The following NDST2 variants were observed in gnomAD, a reference collection of about 807,000 sequenced individuals.
NDST2 encodes the protein bifunctional heparan sulfate N-deacetylase/N-sulfotransferase 2.
Under a neutral mutation model 86.9 loss-of-function variants are expected in NDST2, and 32 were observed. The observed-to-expected ratio is 0.37, with a 90% CI of 0.28 to 0.49. The LOEUF (loss-of-function observed/expected upper bound fraction) is 0.49. Among genes scored for constraint, NDST2 ranks in the 20% least tolerant of loss-of-function variants. NDST2 has a pLI of 0.97. For missense variants in NDST2, 950 were observed against 1,146.9 expected (o/e 0.83, Z 2.48); for synonymous variants, 409 against 437.0 (o/e 0.94, Z 0.80).
chr10:73,806,273 A>G lies in NDST2; in HGVS notation c.1434+16T>C. The G allele has an allele frequency of 6.2e-7, 1 of 1,613,214 alleles. No homozygotes were observed. The highest frequency in any genetic ancestry group is 8.5e-7 in the Non-Finnish European group (1 of 1,179,858). Reference sequence around the variant, plus strand: ...ATGTTAGAGTTTGATTCAAGCCTGTATTGGGAGTCCCTCACCATAATGCCA... The same window carrying G: ...ATGTTAGAGTTTGATTCAAGCCTGTGTTGGGAGTCCCTCACCATAATGCCA... On this transcript the variant is annotated intron_variant, in intron 6 of 14. Coordinates refer to ENST00000309979, the MANE Select transcript of NDST2 (RefSeq NM_003635.4). This position sits in a 1 kb window ranked among gnomAD's most constrained non-coding sequence, Gnocchi z 4.5.
chr10:73,803,393 G>A (rs1485154493), intron 11 of NDST2, 34 bp from the exon 12 acceptor site: 2 of 1,612,220 alleles, frequency 1.2e-6, no homozygotes, highest in Non-Finnish European at 1.7e-6. Flanking sequence ...TGAAGGACTG[G>A]TGATTTGACA....
chr10:73,806,208 G>T lies in NDST2; in HGVS notation c.1434+81C>A. The T allele has an allele frequency of 6.3e-7, 1 of 1,582,228 alleles. No homozygotes were observed. On this transcript the variant is annotated intron_variant, in intron 6 of 14. Coordinates refer to ENST00000309979, the MANE Select transcript of NDST2 (RefSeq NM_003635.4). This position sits in a 1 kb window ranked among gnomAD's most constrained non-coding sequence, Gnocchi z 4.5. ...TACCCCCATACTTGGACTGGCAGTT[G>T]ATAGAGAACATAGGTCAATGCATGT...
In NDST2 at chr10:73,803,978, C is replaced by G; in HGVS notation, c.1882G>C (p.Ala628Pro). ...GGGCTAGGGAAGCTGCTAGTTACAG[C>G]TGGGTGCAGGCTCAGGAAGAAGTGA... Reference protein sequence around the residue: ...AIHFFLSLHPAVTSSFPSPST... With the variant: ...AIHFFLSLHPPVTSSFPSPST... The change falls in exon 10 of 15, where the codon GCT (alanine) becomes CCT (proline). Residue 628 changes from alanine to proline, a missense_variant. By Grantham distance (27) the Ala-to-Pro change is conservative. This residue lies in a region of NDST2 where 303 missense variants were observed against 323.7 expected (regional missense o/e 0.94). Transcript: ENST00000309979. 1 of 1,614,126 alleles carries G rather than the reference C, an allele frequency of 6.2e-7. No individual in the cohort carries two copies. Among genetic ancestry groups the G allele is most frequent in the Middle Eastern group, 1.7e-4 (1 of 6,058 alleles).
Position 73,803,967 on chromosome 10 carries a change from G to A in NDST2, c.1893C>T (p.Ser631=). The A allele has an allele frequency of 1.2e-6, 2 of 1,614,136 alleles. No homozygotes were observed. Among genetic ancestry groups the A allele is most frequent in the Non-Finnish European group, 1.7e-6 (2 of 1,180,016 alleles). Residue 631 remains serine, a synonymous_variant, in exon 10 of 15, where the codon AGC becomes AGT. Transcript: ENST00000309979. ...CAAATGTGCTGGGGCTAGGGAAGCT[G>A]CTAGTTACAGCTGGGTGCAGGCTCA... ...FFLSLHPAVT[S]SFPSPSTFEE...
chr10:73,801,937 A>T lies in NDST2; in HGVS notation c.*514T>A. The T allele has an allele frequency of 2.4e-6, 1 of 418,150 alleles. No individual in the cohort carries two copies. The allele number at this position is 418,150 out of a possible 1,614,324, so 25.9% of individuals were successfully genotyped here. ...AACAGAAAAATAAGGATGTTTATTA[A>T]GGACATTTCTAGCCCACAGCTAGGG... On this transcript the variant is annotated 3_prime_UTR_variant, in exon 15 of 15. Transcript: ENST00000309979. This position sits in a 1 kb window ranked among gnomAD's most constrained non-coding sequence, Gnocchi z 4.9.
rs749629847 is a variant in NDST2 at position 73,803,346 on chromosome 10, T to C, written c.2156A>G (p.His719Arg). ...ATAGTTCAGAGCAACTGGGTCTCCA[T>C]GGGCTCGCTGATGCTGAAGGACAAA... ...AYSWYQHQRA[H>R]GDPVALNYTF... is the part of the protein sequence containing the mutation. Residue 719 changes from histidine to arginine, a missense_variant, in exon 12 of 15, where the codon CAT (histidine) becomes CGT (arginine). Coordinates refer to ENST00000309979, the MANE Select transcript of NDST2 (RefSeq NM_003635.4). The C allele has an allele frequency of 6.2e-7, 1 of 1,614,170 alleles. No individual in the cohort carries two copies. The highest frequency in any genetic ancestry group is 8.5e-7 in the Non-Finnish European group (1 of 1,180,026).
chr10:73,807,816 TAAA>T lies in NDST2; in HGVS notation c.570_572del (p.Phe190del), dbSNP rs764143617. 6.2e-7 allele frequency: 1 copy of T among 1,613,750 alleles called. No homozygotes were observed. The highest frequency in any genetic ancestry group is 8.5e-7 in the Non-Finnish European group (1 of 1,179,954). The stretch of plus-strand genomic sequence containing the variant: ...AGTCCCGGAGCCCCAAGTTTGAGTG[TAAA>T]AAAAGGGGAAAGCCCTTGAGCTGGG... On this transcript the variant is annotated inframe_deletion, in exon 3 of 15. Coordinates refer to ENST00000309979, the MANE Select transcript of NDST2 (RefSeq NM_003635.4).
In NDST2 at chr10:73,803,633, G is replaced by A. The variant is rs766318737; in HGVS notation, c.2083C>T (p.Arg695Ter). 3.7e-6 allele frequency: 6 copies of A among 1,613,288 alleles called. No homozygotes were observed. The highest frequency in any genetic ancestry group is 4.2e-6 in the Non-Finnish European group (5 of 1,179,924). Residue 695 changes from arginine (R) to a stop codon, truncating the protein, a stop_gained, in exon 11 of 15, where the codon CGA (arginine) becomes TGA (stop). Coordinates refer to ENST00000309979, the MANE Select transcript of NDST2 (RefSeq NM_003635.4). LOFTEE classifies it high-confidence loss of function. ...GTGAGCACTGTGATGATCTTGGCTCGTGGCAGGAGGGCAGCCCCCCGCCGT... is the reference window on the plus strand; with the variant it reads ...GTGAGCACTGTGATGATCTTGGCTCATGGCAGGAGGGCAGCCCCCCGCCGT... The part of the protein sequence containing the change: ...VPRRGAALLP[R>*]AKIITVLTNP...
chr10:73,804,148 TAG>T (rs2084058740), intron 9 of NDST2, 132 bp from the exon 10 acceptor site: 3 of 993,868 alleles, frequency 3.0e-6, no homozygotes, highest in Non-Finnish European at 4.4e-6. Flanking sequence ...ACTACAATGA[TAG>T]GAGGCAAGTC....
At position 73,806,180 on chromosome 10, in the gene NDST2, A is replaced by G; in HGVS notation, c.1434+109T>C. ...TTTTTTCACCTTTCTACCCCCAATT[A>G]TGTACCCCCATACTTGGACTGGCAG... On this transcript the variant is annotated intron_variant, in intron 6 of 14. Coordinates refer to ENST00000309979, the MANE Select transcript of NDST2 (RefSeq NM_003635.4). The surrounding 1 kb of genome is among the most constrained non-coding windows in gnomAD (Gnocchi z 4.5). 1.3e-6 allele frequency: 2 copies of G among 1,535,994 alleles called. No homozygotes were observed. Among genetic ancestry groups the G allele is most frequent in the Non-Finnish European group, 1.8e-6 (2 of 1,118,068 alleles).
In NDST2 at chr10:73,806,544, A is replaced by C. The variant is rs569340552; in HGVS notation, c.1249-70T>G. On this transcript the variant is annotated intron_variant, in intron 5 of 14. Transcript: ENST00000309979. The surrounding 1 kb of genome is among the most constrained non-coding windows in gnomAD (Gnocchi z 4.5). ...GAGTAGAGGGTAAAGAGGGTGGGGA[A>C]GCCTCCAAATAAAGAAAAACGCAAA... 2.5e-4 allele frequency: 389 copies of C among 1,551,252 alleles called. No individual in the cohort carries two copies. The African/African-American group carries it at 4.5e-3, about 18-fold the overall frequency.
At chr10:73,805,260 C>T (rs900783225) in intron 8 of NDST2, among the ~76,000 whole-genome samples, 1 of 151,736 alleles carries the variant, frequency 6.6e-6, no homozygotes, top group Non-Finnish European at 1.5e-5. Flanking sequence ...CATATGTAAT[C>T]CCAGCACTTT....
In NDST2 at chr10:73,807,584, G is replaced by C. The variant is rs775357652; in HGVS notation, c.805C>G (p.Leu269Val). The C allele has an allele frequency of 6.2e-7, 1 of 1,614,228 alleles. No individual in the cohort carries two copies. Among genetic ancestry groups the C allele is most frequent in the Admixed American group, 1.7e-5 (1 of 60,026 alleles). The change falls in exon 3 of 15, where the codon CTG becomes GTG. Residue 269 changes from leucine to valine, a missense_variant. Coordinates refer to ENST00000309979, the MANE Select transcript of NDST2 (RefSeq NM_003635.4). ...RARLPTVVQD[L>V]GLHDGIQRVL... The stretch of plus-strand genomic sequence containing the variant: ...CGCTGGATGCCATCATGAAGCCCCA[G>C]GTCCTGTACCACAGTGGGAAGCCGG...
At chr10:73,810,737 G>T (rs752857231) in intron 2 of NDST2, 62 bp downstream of exon 2, 4 of 398,392 alleles carry the variant, frequency 1.0e-5, no homozygotes, top group Non-Finnish European at 1.3e-5. Flanking sequence ...TAAGAGGTAG[G>T]GAAAAGGTAC....
Position 73,803,933 on chromosome 10 carries a change from G to C in NDST2, c.1927C>G (p.Gln643Glu). ...FPSPSTFEEI[Q>E]FFNSPNYHKG... is the part of the protein sequence containing the mutation. ...TGGTAATTAGGGCTGTTGAAGAACT[G>C]AATCTCCTCAAATGTGCTGGGGCTA... The change falls in exon 10 of 15, where the codon CAG becomes GAG. Residue 643 changes from glutamine to glutamate, a missense_variant. Physicochemically the swap from Gln to Glu is conservative, Grantham distance 29 (BLOSUM62 2). Around this residue, in one of 5 missense-constraint regions of NDST2, gnomAD observed 303 missense variants for 323.7 expected, o/e 0.94. Coordinates refer to ENST00000309979, the MANE Select transcript of NDST2 (RefSeq NM_003635.4). The C allele has an allele frequency of 6.2e-7, 1 of 1,614,158 alleles. No homozygotes were observed. Among genetic ancestry groups the C allele is most frequent in the Non-Finnish European group, 8.5e-7 (1 of 1,180,020 alleles).
Position 73,803,616 on chromosome 10 carries a change from T to C in NDST2, c.2100A>G (p.Thr700=), listed in dbSNP as rs1013003622. 5 of 1,600,312 alleles carry C rather than the reference T, an allele frequency of 3.1e-6. No individual in the cohort carries two copies. In the African/African-American group the frequency reaches 4.1e-5, roughly 13 times the overall value. ...CCCTGTCAGCAGGGTTGGTGAGCACTGTGATGATCTTGGCTCGTGGCAGGA... is the reference window on the plus strand; with the variant it reads ...CCCTGTCAGCAGGGTTGGTGAGCACCGTGATGATCTTGGCTCGTGGCAGGA... The part of the protein sequence containing the change: ...AALLPRAKII[T]VLTNPADRAY... Residue 700 remains threonine, a synonymous_variant, in exon 11 of 15, where the codon ACA becomes ACG. Transcript: ENST00000309979.
chr10:73,809,045 G>A (rs1009921847), intron 2 of NDST2: 5 of 152,234 alleles, frequency 3.3e-5, no homozygotes, highest in African/African-American at 1.2e-4. Context: ...ATCCTAGAAG[G>A]CTAAAAACAG....
upstream of NDST2, chr10:73,811,779 C>G (rs1047935668): frequency 2.0e-5 from 3 of 152,212 alleles, no homozygotes; most frequent in African/African-American, 7.2e-5. Flanking sequence ...CTCCGCGCCC[C>G]GCCCGCGGAA....
rs751051762 is a variant in NDST2 at position 73,807,838 on chromosome 10, A to AGCTGGGCGCTCAGTAGGCTGTAAGG, written c.550_551insCCTTACAGCCTACTGAGCGCCCAGC (p.Leu184ProfsTer50). 4 of 1,614,102 alleles carry AGCTGGGCGCTCAGTAGGCTGTAAGG rather than the reference A, an allele frequency of 2.5e-6. No homozygotes were observed. On this transcript the variant is annotated frameshift_variant, in exon 3 of 15. Transcript: ENST00000309979. LOFTEE classifies it high-confidence loss of function. The stretch of plus-strand genomic sequence containing the variant: ...GTGTAAAAAAAGGGGAAAGCCCTTG[A>AGCTGGGCGCTCAGTAGGCTGTAAGG]GCTGGGCGCTCAGTAGGCTGTGCTC...
Sources: gnomAD v4.1 joint callset for allele counts (sites outside exome capture counted in the v4.1 genomes callset) on GRCh38, gnomAD v4.1.1 for gene constraint, gnomAD v4.1.1 regional missense constraint, Gnocchi (gnomAD v3.1) non-coding constraint, MANE v1.5 for transcripts, NCBI Gene and HGNC (gene_info 2026-07-23, HGNC 2026-07-21) for gene names.